Variants in PATZ1 observed in about 807,000 individuals in gnomAD.
PATZ1 encodes POZ-, AT hook-, and zinc finger-containing protein 1.
PATZ1 carries 9 observed loss-of-function variants against 46.2 expected under a neutral mutation model. That is an observed-to-expected ratio of 0.19 (90% CI 0.12 to 0.34). The LOEUF (loss-of-function observed/expected upper bound fraction) is 0.34. Among genes scored for constraint, PATZ1 ranks in the 10% least tolerant of loss-of-function variants. PATZ1 has a pLI of 1.00. For missense variants in PATZ1, 632 were observed against 923.0 expected (o/e 0.68, Z 4.08); for synonymous variants, 426 against 378.6 (o/e 1.13, Z -1.45).
chr22:31,331,019 T>C (rs369429689), intron 3 of PATZ1, among the ~76,000 whole-genome samples: 2 of 152,214 alleles, frequency 1.3e-5, no homozygotes, highest in African/African-American at 4.8e-5. Flanking sequence ...ACTTCAAAGA[T>C]CTGTCTAGAC....
At chr22:31,341,904 C>T (rs1365201931) in intron 2 of PATZ1, among the ~76,000 whole-genome samples, 1 of 152,202 alleles carries the variant, frequency 6.6e-6, no homozygotes, top group Admixed American at 6.5e-5. Flanking sequence ...GACTGCCTAG[C>T]CCAGCACCTG....
Position 31,326,759 on chromosome 22 carries a change from G to C in PATZ1, c.*132C>G. On this transcript the variant is annotated 3_prime_UTR_variant, in exon 5 of 5. Coordinates refer to ENST00000266269, the MANE Select transcript of PATZ1 (RefSeq NM_014323.3). Reference sequence around the variant, plus strand: ...AATGGGTGGTGGAGAAGGAGTTGGAGTGGGGTTGGGGGGCAGTTAAAAATG... The same window carrying C: ...AATGGGTGGTGGAGAAGGAGTTGGACTGGGGTTGGGGGGCAGTTAAAAATG... 1 of 699,128 alleles carries C rather than the reference G, an allele frequency of 1.4e-6. No homozygotes were observed. Among genetic ancestry groups the C allele is most frequent in the East Asian group, 2.7e-5 (1 of 36,688 alleles). The allele number at this position is 699,128 out of a possible 1,614,324, so 43.3% of individuals were successfully genotyped here.
In PATZ1 at chr22:31,344,563, T is replaced by C. The variant is rs747522781; in HGVS notation, c.1040A>G (p.Lys347Arg). The C allele has an allele frequency of 2.8e-5, 45 of 1,614,072 alleles. No individual in the cohort carries two copies. The highest frequency in any genetic ancestry group is 3.6e-5 in the Non-Finnish European group (43 of 1,180,036). ...PISEDPDGPR[K>R]RSRTRKQVAC... The stretch of plus-strand genomic sequence containing the variant: ...CACCTGCTTCCTGGTCCGGCTCCTC[T>C]TTCGGGGGCCGTCGGGGTCTTCAGA... Residue 347 changes from lysine (K) to arginine (R), a missense_variant, in exon 1 of 5, where the codon AAG becomes AGG. By Grantham distance (26) the Lys-to-Arg change is conservative. Around this residue, in one of 7 missense-constraint regions of PATZ1, gnomAD observed 279 missense variants for 284.3 expected, o/e 0.98. Transcript: ENST00000266269.
rs1485928733 is a variant in PATZ1 at position 31,326,969 on chromosome 22, C to T, written c.1986G>A (p.Gln662=). Residue 662 remains glutamine, a synonymous_variant, in exon 5 of 5, where the codon CAG becomes CAA. Coordinates refer to ENST00000266269, the MANE Select transcript of PATZ1 (RefSeq NM_014323.3). The part of the protein sequence containing the change: ...NMSLLESFGF[Q]IVQSAFASSL... ...ATGACGCAAATGCCGACTGAACAAT[C>T]TGAAACCCAAAGGACTCGAGGAGAG... The T allele has an allele frequency of 1.2e-6, 2 of 1,614,216 alleles. No individual in the cohort carries two copies. The highest frequency in any genetic ancestry group is 2.2e-5 in the South Asian group (2 of 91,084).
At position 31,345,432 on chromosome 22, in the gene PATZ1, G is replaced by T. The variant is rs377759106; in HGVS notation, c.171C>A (p.Ala57=). 60 of 1,612,546 alleles carry T rather than the reference G, an allele frequency of 3.7e-5. No individual in the cohort carries two copies. In the African/African-American group the frequency reaches 6.5e-4, roughly 18 times the overall value. Residue 57 remains alanine, a synonymous_variant, in exon 1 of 5, where the codon GCC becomes GCA. Coordinates refer to ENST00000266269, the MANE Select transcript of PATZ1 (RefSeq NM_014323.3). This position sits in a 1 kb window ranked among gnomAD's most constrained non-coding sequence, Gnocchi z 7.4. The stretch of plus-strand genomic sequence containing the variant: ...AGTACTCGCTGCAGGCGGCCAGCAC[G>T]GCGCGGTGCGCTGGGAAGCTCTCGT... ...VGDESFPAHR[A]VLAACSEYFE...
chr22:31,337,171 G>T (rs2145821372), intron 2 of PATZ1, among the ~76,000 whole-genome samples: 1 of 152,274 alleles, frequency 6.6e-6, no homozygotes, highest in Non-Finnish European at 1.5e-5. Context: ...CAAGGATGAT[G>T]ATACTACCCT....
rs760831844 is a variant in PATZ1 at position 31,345,521 on chromosome 22, G to T, written c.82C>A (p.His28Asn). ...QVSRHSTEML[H>N]NLNQQRKNGG... The stretch of plus-strand genomic sequence containing the variant: ...TTTTTGCGCTGCTGGTTCAGGTTGT[G>T]CAGCATCTCCGTGCTGTGTCTGCTC... The change falls in exon 1 of 5, where the codon CAC (histidine) becomes AAC (asparagine). Residue 28 changes from histidine to asparagine, a missense_variant. Around this residue, in one of 7 missense-constraint regions of PATZ1, gnomAD observed 19 missense variants for 71.4 expected, o/e 0.27. Coordinates refer to ENST00000266269, the MANE Select transcript of PATZ1 (RefSeq NM_014323.3). This position sits in a 1 kb window ranked among gnomAD's most constrained non-coding sequence, Gnocchi z 7.4. The T allele has an allele frequency of 4.5e-5, 72 of 1,613,240 alleles. No individual in the cohort carries two copies. The highest frequency in any genetic ancestry group is 3.9e-5 in the Non-Finnish European group (46 of 1,179,888).
intron 3 of PATZ1, among the ~76,000 whole-genome samples, chr22:31,330,664 G>A (rs962323780): frequency 2.0e-5 from 3 of 152,150 alleles, no homozygotes; most frequent in African/African-American, 4.8e-5. Context: ...TTATTGGGAC[G>A]CTAACCTTTT....
At chr22:31,331,344 C>CTT (rs36079277) in intron 3 of PATZ1, among the ~76,000 whole-genome samples, 2,474 of 140,680 alleles carry the variant, frequency 0.018, 89 homozygotes, top group African/African-American at 0.061. Flanking sequence ...TAATTTTTTC[C>CTT]TTTTTTTTTT....
At position 31,344,648 on chromosome 22, in the gene PATZ1, G is replaced by C. The variant is rs1260313912; in HGVS notation, c.955C>G (p.Leu319Val). ...QHEAQHGVTSLQLGYIDLPPP... is the reference protein window; with the variant it reads ...QHEAQHGVTSVQLGYIDLPPP... ...GGAAGGTCGATGTAGCCCAGCTGGA[G>C]GCTGGTGACACCGTGCTGGGCCTCG... The change falls in exon 1 of 5, where the codon CTC becomes GTC. Residue 319 changes from leucine (L) to valine (V), a missense_variant. Transcript: ENST00000266269. 1 of 1,613,920 alleles carries C rather than the reference G, an allele frequency of 6.2e-7. No individual in the cohort carries two copies. Among genetic ancestry groups the C allele is most frequent in the African/African-American group, 1.3e-5 (1 of 74,950 alleles).
intron 3 of PATZ1, among the ~76,000 whole-genome samples, chr22:31,331,364 CAG>C (rs199810278): frequency 0.023 from 3,312 of 142,152 alleles, 136 homozygotes; most frequent in African/African-American, 0.083. Context: ...TTTTTTGAGA[CAG>C]AGTCTCACTC....
rs761602099 is a variant in PATZ1 at position 31,327,359 on chromosome 22, GC to G, written c.1646-51del. 3 of 1,506,564 alleles carry G rather than the reference GC, an allele frequency of 2.0e-6. No homozygotes were observed. Among genetic ancestry groups the G allele is most frequent in the Admixed American group, 1.7e-5 (1 of 57,454 alleles). 93.3% of individuals were successfully genotyped at this position (1,506,564 alleles called of 1,614,324 possible). ...AGCGATGAGGCCAGGCTCTGGAGATGCCCCCTCCTGGAGGGGTCATGAGGGG... is the reference window on the plus strand; with the variant it reads ...AGCGATGAGGCCAGGCTCTGGAGATGCCCCTCCTGGAGGGGTCATGAGGGG... On this transcript the variant is annotated intron_variant, in intron 4 of 4. Transcript: ENST00000266269. This position sits in a 1 kb window ranked among gnomAD's most constrained non-coding sequence, Gnocchi z 4.2.
chr22:31,342,438 A>G (rs2240427), intron 2 of PATZ1, among the ~76,000 whole-genome samples: 8,841 of 152,104 alleles, frequency 0.058, 642 homozygotes, highest in East Asian at 0.38. Context: ...GAGGGGACCC[A>G]GGAGGAGCTC....
rs1601482256 is a variant in PATZ1 at position 31,328,966 on chromosome 22, A to C, written c.1508-42T>G. 9 of 1,527,320 alleles carry C rather than the reference A, an allele frequency of 5.9e-6. No homozygotes were observed. The East Asian group carries it at 2.1e-4, about 36-fold the overall frequency. The allele number at this position is 1,527,320 out of a possible 1,614,324, so 94.6% of individuals were successfully genotyped here. A position where few individuals can be genotyped will look rare whatever the true frequency, so the allele number is the denominator to read the frequency against. ...GAGATGAGATCCCGCGGCCAGCAAG[A>C]GATACCTCTCTCCTTCCCCCAACTC... On this transcript the variant is annotated intron_variant, in intron 3 of 4. Transcript: ENST00000266269. This position sits in a 1 kb window ranked among gnomAD's most constrained non-coding sequence, Gnocchi z 4.8.
At position 31,345,966 on chromosome 22, in the gene PATZ1, C is replaced by G; in HGVS notation, c.-364G>C. ...TCCCCTCCCGCCCGCCAGGCGGCGC[C>G]GGCGCGCAGCCAAGAAGGGCACGCG... On this transcript the variant is annotated 5_prime_UTR_variant, in exon 1 of 5. Transcript: ENST00000266269. The surrounding 1 kb of genome is among the most constrained non-coding windows in gnomAD (Gnocchi z 7.4). The G allele has an allele frequency of 4.2e-6, 1 of 235,592 alleles. No individual in the cohort carries two copies. Among genetic ancestry groups the G allele is most frequent in the East Asian group, 6.5e-5 (1 of 15,312 alleles). The allele number at this position is 235,592 out of a possible 1,614,324, so 14.6% of individuals were successfully genotyped here.
Position 31,328,249 on chromosome 22 carries a change from CAGA to C in PATZ1, c.1645+535_1645+537del, listed in dbSNP as rs1298528679. Among the ~76,000 whole-genome samples the C allele has an allele frequency of 6.6e-6, 1 of 152,216 alleles. No individual in the cohort carries two copies. Among genetic ancestry groups the C allele is most frequent in the Non-Finnish European group, 1.5e-5 (1 of 68,036 alleles). On this transcript the variant is annotated intron_variant, in intron 4 of 4. Transcript: ENST00000266269. This position sits in a 1 kb window ranked among gnomAD's most constrained non-coding sequence, Gnocchi z 4.8. Reference sequence around the variant, plus strand: ...GCTTTCTGCAAACCAACTCCCAAGTCAGAGGAGTCAGATAGCTCATTATTGCCA... The same window carrying C: ...GCTTTCTGCAAACCAACTCCCAAGTCGGAGTCAGATAGCTCATTATTGCCA...
chr22:31,327,054 C>T lies in PATZ1; in HGVS notation c.1901G>A (p.Gly634Asp). ...GGCAGGGCCCAGGTCCCCCAGGGGGCCCCCGAGAGCCCGGACATGCACCTT... is the reference window on the plus strand; with the variant it reads ...GGCAGGGCCCAGGTCCCCCAGGGGGTCCCCGAGAGCCCGGACATGCACCTT... ...IQKVHVRALG[G>D]PLGDLGPALG... Residue 634 changes from glycine (G) to aspartate (D), a missense_variant, in exon 5 of 5, where the codon GGC (glycine) becomes GAC (aspartate). Gly to Asp is a moderately conservative substitution (Grantham distance 94). This residue lies in a region of PATZ1 where 176 missense variants were observed against 249.4 expected (regional missense o/e 0.71). Coordinates refer to ENST00000266269, the MANE Select transcript of PATZ1 (RefSeq NM_014323.3). This position sits in a 1 kb window ranked among gnomAD's most constrained non-coding sequence, Gnocchi z 4.2. 6.2e-7 allele frequency: 1 copy of T among 1,614,128 alleles called. No homozygotes were observed. Among genetic ancestry groups the T allele is most frequent in the African/African-American group, 1.3e-5 (1 of 75,064 alleles).
At chr22:31,340,347 C>T (rs1044326806) in intron 2 of PATZ1, among the ~76,000 whole-genome samples, 1 of 152,206 alleles carries the variant, frequency 6.6e-6, no homozygotes, top group African/African-American at 2.4e-5. Flanking sequence ...ACGGACTGTG[C>T]CTAGCCAGTG....
Position 31,345,345 on chromosome 22 carries a change from A to G in PATZ1, c.258T>C (p.Asp86=). The G allele has an allele frequency of 6.2e-7, 1 of 1,608,040 alleles. No individual in the cohort carries two copies. ...CTGGTGCTGCCGTCGCGCCCCCTAC[A>G]TCAGCCGGACCCCCGTCCGCAGCTC... The part of the protein sequence containing the change: ...DGGAADGGPA[D]VGGATAAPGG... Residue 86 remains aspartate, a synonymous_variant, in exon 1 of 5, where the codon GAT becomes GAC. Transcript: ENST00000266269. This position sits in a 1 kb window ranked among gnomAD's most constrained non-coding sequence, Gnocchi z 7.4.
Sources: gnomAD v4.1 joint callset for allele counts (sites outside exome capture counted in the v4.1 genomes callset) on GRCh38, gnomAD v4.1.1 for gene constraint, gnomAD v4.1.1 regional missense constraint, Gnocchi (gnomAD v3.1) non-coding constraint, MANE v1.5 for transcripts, NCBI Gene and HGNC (gene_info 2026-07-23, HGNC 2026-07-21) for gene names.